Variants in CARD8 observed in about 807,000 individuals in gnomAD.
CARD8 encodes the protein caspase recruitment domain-containing protein 8.
A neutral mutation model predicts 53.2 loss-of-function variants in CARD8; 38 were observed. The ratio of observed to expected loss-of-function variants is 0.71; its 90% CI spans 0.55 to 0.94. CARD8 has a LOEUF of 0.94. Among genes scored for constraint, CARD8 ranks in the 40% least tolerant of loss-of-function variants. CARD8 has a pLI of 0.00. For missense variants in CARD8, 561 were observed against 655.5 expected, an observed-to-expected ratio of 0.86 and a Z score of 1.57; for synonymous variants, 245 against 244.9, an observed-to-expected ratio of 1.00 and a Z score of 0.00.
In CARD8 at chr19:48,237,355, T is replaced by C. The variant is rs568413414; in HGVS notation, c.209+1028A>G. Among the ~76,000 whole-genome samples, 21 of 152,016 alleles carry C rather than the reference T, an allele frequency of 1.4e-4. No homozygotes were observed. In the South Asian group the frequency reaches 2.9e-3, roughly 21 times the overall value. The stretch of plus-strand genomic sequence containing the variant: ...TGAACTCAGAGTAAGAAGCCACTTA[T>C]CACCAAAGGAATGGTGCTAAACCAT... On this transcript the variant is annotated intron_variant, in intron 5 of 13. Coordinates refer to ENST00000651546, the MANE Select transcript of CARD8 (RefSeq NM_001184900.3).
intron 13 of CARD8, among the ~76,000 whole-genome samples, chr19:48,214,252 ACTC>A (rs1452857052): frequency 1.3e-5 from 2 of 151,810 alleles, no homozygotes; most frequent in African/African-American, 2.4e-5. Context: ...GCAGGAGAGG[ACTC>A]CTCACCCCAC....
rs1386181686 is a variant in CARD8 at position 48,234,533 on chromosome 19, C to T, written c.220G>A (p.Glu74Lys). ...AGGGTCTCAGAAACACAGGGTAGCTCCCTGTATACCCTGGAAAACAACAAC... is the reference window on the plus strand; with the variant it reads ...AGGGTCTCAGAAACACAGGGTAGCTTCCTGTATACCCTGGAAAACAACAAC... ...ACVTNDTVYRELPCVSETLCD... is the reference protein window; with the variant it reads ...ACVTNDTVYRKLPCVSETLCD... The change falls in exon 6 of 14, where the codon GAG (glutamate) becomes AAG (lysine). Residue 74 changes from glutamate to lysine, a missense_variant. Transcript: ENST00000651546. 1.9e-6 allele frequency: 3 copies of T among 1,611,964 alleles called. No individual in the cohort carries two copies. The Admixed American group carries it at 5.1e-5, about 27-fold the overall frequency.
downstream of CARD8, among the ~76,000 whole-genome samples, chr19:48,207,678 C>A (rs965380488): frequency 1.4e-5 from 2 of 147,094 alleles, no homozygotes; most frequent in African/African-American, 5.0e-5. Context: ...ATATTTACAT[C>A]TTCTTCTTAG....
At chr19:48,223,863 T>TA (rs2041199692) in intron 10 of CARD8, 1 of 456,276 alleles carries the variant, frequency 2.2e-6, no homozygotes, top group Non-Finnish European at 4.4e-6. Context: ...GCCTCTAAAA[T>TA]AGTGTCTGGA....
In CARD8 at chr19:48,211,442, C is replaced by G; in HGVS notation, c.*268G>C. 2.7e-6 allele frequency: 1 copy of G among 368,828 alleles called. No individual in the cohort carries two copies. 22.8% of individuals were successfully genotyped at this position (368,828 alleles called of 1,614,324 possible). A position where few individuals can be genotyped will look rare whatever the true frequency, so the allele number is the denominator to read the frequency against. On this transcript the variant is annotated 3_prime_UTR_variant, in exon 14 of 14. Transcript: ENST00000651546. ...TATCCTGGGTCTTCAAGAATCATGT[C>G]AATGGATAAAATAGTGATATATCAA...
intron 4 of CARD8, among the ~76,000 whole-genome samples, chr19:48,239,222 C>T (rs2044496782): frequency 6.6e-6 from 1 of 152,214 alleles, no homozygotes; most frequent in Non-Finnish European, 1.5e-5. Context: ...TCTGCATTCA[C>T]TGCCTTTCAC....
intron 5 of CARD8, among the ~76,000 whole-genome samples, chr19:48,235,018 T>C (rs766504875): frequency 4.6e-5 from 7 of 152,190 alleles, no homozygotes; most frequent in African/African-American, 1.4e-4. Context: ...TAAGAACCCA[T>C]GGAACAGTTA....
intron 4 of CARD8, 96 bp from the exon 5 acceptor site, chr19:48,238,628 C>A (rs181728651): frequency 1.6e-4 from 186 of 1,162,988 alleles, no homozygotes; most frequent in Non-Finnish European, 2.1e-4. Context: ...GTAGCCCGAT[C>A]CTTAGAGATA....
chr19:48,213,242 G>T (rs1307738567), intron 13 of CARD8: 1 of 152,108 alleles, frequency 6.6e-6, no homozygotes, highest in Non-Finnish European at 1.5e-5. Context: ...GCAGATTGCT[G>T]CCTTGGGTGA....
chr19:48,232,432 C>T, intron 7 of CARD8, 21 bp downstream of exon 7: 1 of 1,531,638 alleles, frequency 6.5e-7, no homozygotes, highest in South Asian at 1.2e-5. Context: ...CCCTTCACTC[C>T]TCTCCCTATT....
intron 10 of CARD8, among the ~76,000 whole-genome samples, chr19:48,226,483 C>T (rs2041815479): frequency 6.6e-6 from 1 of 152,144 alleles, no homozygotes; most frequent in Non-Finnish European, 1.5e-5. Flanking sequence ...CCTCGGCCTC[C>T]CAAAGTGCTG....
chr19:48,247,292 C>T (rs1444320596), intron 3 of CARD8, among the ~76,000 whole-genome samples: 1 of 152,040 alleles, frequency 6.6e-6, no homozygotes. Flanking sequence ...CCACTGCACT[C>T]CAGCCTGGGT....
At chr19:48,232,410 T>C (rs1255318620) in intron 7 of CARD8, 43 bp downstream of exon 7, 4 of 1,494,914 alleles carry the variant, frequency 2.7e-6, no homozygotes, top group Non-Finnish European at 3.6e-6. Context: ...AACATTTCCA[T>C]CAATCCACAC....
intron 10 of CARD8, 147 bp downstream of exon 10, chr19:48,230,291 G>T: frequency 1.2e-6 from 1 of 819,554 alleles, no homozygotes; most frequent in Non-Finnish European, 1.9e-6. Flanking sequence ...TCAGCACCTT[G>T]GATGAACCTC....
chr19:48,228,376 C>T (rs1166436553), intron 10 of CARD8, among the ~76,000 whole-genome samples: 3 of 152,156 alleles, frequency 2.0e-5, no homozygotes, highest in Non-Finnish European at 4.4e-5. Context: ...TTCCTGGTGC[C>T]TAAAAGGTTG....
intron 12 of CARD8, 77 bp from the exon 13 acceptor site, chr19:48,215,461 C>A: frequency 1.0e-6 from 1 of 962,404 alleles, no homozygotes. Context: ...GTCTTTGATG[C>A]AACCAACTGA....
chr19:48,221,623 T>C (rs2040645696), intron 11 of CARD8, 107 bp downstream of exon 11: 3 of 738,898 alleles, frequency 4.1e-6, no homozygotes, highest in Non-Finnish European at 6.2e-6. Context: ...AAGGGCATAT[T>C]TGTGATTAAT....
chr19:48,206,450 A>G (rs2037348841), downstream of CARD8: 1 of 459,812 alleles, frequency 2.2e-6, no homozygotes, highest in Non-Finnish European at 4.4e-6. Flanking sequence ...AGGGTAACCA[A>G]GGGTTAAGGC....
At chr19:48,232,365 A>G (rs1568814784) in intron 7 of CARD8, 88 bp downstream of exon 7, 5 of 1,261,774 alleles carry the variant, frequency 4.0e-6, no homozygotes, top group East Asian at 5.0e-5. Flanking sequence ...TCTGCACAAA[A>G]GACTCTAAAT....
Sources: gnomAD v4.1 joint callset for allele counts (sites outside exome capture counted in the v4.1 genomes callset) on GRCh38, gnomAD v4.1.1 for gene constraint, MANE v1.5 for transcripts, NCBI Gene and HGNC (gene_info 2026-07-23, HGNC 2026-07-21) for gene names.